Variants in PAX5 observed in about 807,000 individuals in gnomAD.
PAX5 encodes paired box 5.
Under a neutral mutation model 43.7 loss-of-function variants are expected in PAX5, and 9 were observed. The observed-to-expected ratio is 0.21, with a 90% CI of 0.12 to 0.36. The LOEUF (loss-of-function observed/expected upper bound fraction) is 0.36, where lower values mean the gene tolerates loss of function less well. Ranked by LOEUF, PAX5 falls within the 10% of genes least tolerant of loss-of-function variation. PAX5 has a pLI of 1.00. For synonymous variants in PAX5, 228 were observed against 214.3 expected (o/e 1.06, Z -0.56); for missense variants, 383 against 532.7 (o/e 0.72, Z 2.77).
chr9:36,863,648 T>G (rs376355834), intron 8 of PAX5, among the ~76,000 whole-genome samples: 1 of 152,258 alleles, frequency 6.6e-6, no homozygotes, highest in African/African-American at 2.4e-5. Flanking sequence ...GTGAGCCTAC[T>G]AGGCTCTATC....
At chr9:37,031,995 C>G (rs952615030) in intron 1 of PAX5, among the ~76,000 whole-genome samples, 5 of 152,246 alleles carry the variant, frequency 3.3e-5, no homozygotes, top group Non-Finnish European at 5.9e-5. Context: ...GCTTCCCTCT[C>G]TTCTCCAGCC....
chr9:37,027,358 G>C (rs1332096947), intron 1 of PAX5, among the ~76,000 whole-genome samples: 1 of 152,224 alleles, frequency 6.6e-6, no homozygotes, highest in Non-Finnish European at 1.5e-5. Context: ...GACCAGGAAC[G>C]GGGACACCAG....
chr9:36,962,580 T>A (rs1423064871), intron 6 of PAX5, among the ~76,000 whole-genome samples: 2 of 152,152 alleles, frequency 1.3e-5, no homozygotes, highest in Non-Finnish European at 2.9e-5. Context: ...CACGTTCGGT[T>A]TCGGCTGCTG....
chr9:36,978,335 A>T (rs1014025562), intron 5 of PAX5, among the ~76,000 whole-genome samples: 7 of 152,240 alleles, frequency 4.6e-5, no homozygotes, highest in African/African-American at 1.7e-4. Context: ...ATGAAATATT[A>T]CTAGGAGCAA....
chr9:37,027,153 C>T (rs564601286), intron 1 of PAX5, among the ~76,000 whole-genome samples: 1 of 152,256 alleles, frequency 6.6e-6, no homozygotes, highest in African/African-American at 2.4e-5. Context: ...CTCTCTCCAA[C>T]TGGCTCTCCG....
chr9:36,991,218 T>A (rs1219807040), intron 5 of PAX5, among the ~76,000 whole-genome samples: 2 of 152,170 alleles, frequency 1.3e-5, no homozygotes, highest in Admixed American at 1.3e-4. Flanking sequence ...CTATTTTATG[T>A]AAGTCTAAGA....
intron 6 of PAX5, among the ~76,000 whole-genome samples, chr9:36,927,356 A>G (rs142178864): frequency 6.6e-6 from 1 of 152,324 alleles, no homozygotes; most frequent in Admixed American, 6.5e-5. Flanking sequence ...CCTGGGTTTA[A>G]AAGAACCACA....
intron 6 of PAX5, among the ~76,000 whole-genome samples, chr9:36,962,045 C>T (rs1233315629): frequency 3.3e-5 from 5 of 152,220 alleles, no homozygotes; most frequent in Non-Finnish European, 7.3e-5. Flanking sequence ...AGCCTGGGCC[C>T]ACCCACCCAG....
At chr9:37,026,868 G>A (rs1840436938) in intron 1 of PAX5, 1 of 309,248 alleles carries the variant, frequency 3.2e-6, no homozygotes, top group African/African-American at 2.2e-5. Flanking sequence ...GCCCGGGGTA[G>A]CTGCGGCCAA....
At chr9:36,978,899 A>AAGAT (rs1295981555) in intron 5 of PAX5, among the ~76,000 whole-genome samples, 1 of 152,180 alleles carries the variant, frequency 6.6e-6, no homozygotes, top group Non-Finnish European at 1.5e-5. Flanking sequence ...TATTCCCCAT[A>AAGAT]AGATGGTCCC....
intron 5 of PAX5, among the ~76,000 whole-genome samples, chr9:36,982,727 C>T (rs765578145): frequency 2.0e-5 from 3 of 152,128 alleles, no homozygotes; most frequent in South Asian, 4.1e-4. Context: ...ACCCATGGAG[C>T]GGGGTCACGT....
At chr9:36,873,170 T>TC (rs1825635267) in intron 8 of PAX5, among the ~76,000 whole-genome samples, 1 of 152,190 alleles carries the variant, frequency 6.6e-6, no homozygotes, top group African/African-American at 2.4e-5. Context: ...GACTCAGTGG[T>TC]CCCCCTCACC....
chr9:36,979,420 TA>T (rs1219267036), intron 5 of PAX5, among the ~76,000 whole-genome samples: 5 of 152,234 alleles, frequency 3.3e-5, no homozygotes, highest in Non-Finnish European at 5.9e-5. Context: ...CTGTACCTTA[TA>T]GGGGCATATT....
At chr9:36,875,265 T>C (rs1352429083) in intron 8 of PAX5, among the ~76,000 whole-genome samples, 1 of 152,310 alleles carries the variant, frequency 6.6e-6, no homozygotes, top group African/African-American at 2.4e-5. Flanking sequence ...GGCCTAAAGT[T>C]CTCCATTTTA....
Position 36,974,965 on chromosome 9 carries a change from C to T in PAX5, c.605-8241G>A, listed in dbSNP as rs117019956. On this transcript the variant is annotated intron_variant, in intron 5 of 9. Coordinates refer to ENST00000358127, the MANE Select transcript of PAX5 (RefSeq NM_016734.3). ...CCAGTGCCCCTGGACATTCTGCTCC[C>T]TCTGCTGGCATGCCCTTCTCTCCTG... Among the ~76,000 whole-genome samples, 1,178 of 152,298 alleles carry T rather than the reference C, an allele frequency of 7.7e-3. 11 individuals carry two copies. The highest frequency in any genetic ancestry group is 0.012 in the Non-Finnish European group (839 of 68,036).
chr9:36,982,806 G>C (rs1836054372), intron 5 of PAX5, among the ~76,000 whole-genome samples: 1 of 152,130 alleles, frequency 6.6e-6, no homozygotes, highest in Non-Finnish European at 1.5e-5. Flanking sequence ...TGCACACAAT[G>C]GGTGCACAAT....
chr9:36,924,581 G>A (rs1407123071), intron 6 of PAX5, among the ~76,000 whole-genome samples: 1 of 151,680 alleles, frequency 6.6e-6, no homozygotes, highest in East Asian at 1.9e-4. Flanking sequence ...TTAGCCAGGT[G>A]TGGTAGCTTT....
intron 8 of PAX5, among the ~76,000 whole-genome samples, chr9:36,877,274 G>A (rs1826002640): frequency 6.6e-6 from 1 of 152,218 alleles, no homozygotes; most frequent in Non-Finnish European, 1.5e-5. Flanking sequence ...AGTCAAGGCT[G>A]CAGTGAGCCA....
chr9:36,843,936 G>A (rs1042839720), intron 9 of PAX5, among the ~76,000 whole-genome samples: 9 of 152,232 alleles, frequency 5.9e-5, no homozygotes, highest in Non-Finnish European at 5.9e-5. Flanking sequence ...CAGCAGGGCT[G>A]TTGATGCTAG....
Sources: allele counts gnomAD v4.1 joint callset (sites outside exome capture counted in the v4.1 genomes callset), GRCh38; gene constraint gnomAD v4.1.1; transcripts MANE v1.5; gene names NCBI Gene and HGNC (gene_info 2026-07-23, HGNC 2026-07-21).